DENND1A: variants seen among roughly 807,000 people sequenced by gnomAD.
DENND1A encodes DENN domain containing 1A.
DENND1A carries 51 observed loss-of-function variants against 113.7 expected under a neutral mutation model. The ratio of observed to expected loss-of-function variants is 0.45; its 90% CI spans 0.36 to 0.57. The LOEUF is 0.57. DENND1A is among the 20% of genes least tolerant of loss of function. The pLI, the probability that DENND1A is intolerant of heterozygous loss-of-function variation, is 0.00. For missense variants in DENND1A, 1,258 were observed against 1,395.9 expected (o/e 0.90, Z 1.57); for synonymous variants, 565 against 570.8 (o/e 0.99, Z 0.14).
chr9:123,660,255 A>G (rs141930624), intron 8 of DENND1A, among the ~76,000 whole-genome samples: 7 of 152,304 alleles, frequency 4.6e-5, no homozygotes, highest in Admixed American at 2.6e-4. Context: ...GCAGATTGGT[A>G]TCACCATTCT....
chr9:123,497,887 A>T (rs939307866), intron 13 of DENND1A, among the ~76,000 whole-genome samples: 11 of 151,980 alleles, frequency 7.2e-5, no homozygotes, highest in African/African-American at 2.7e-4. Flanking sequence ...GAAATGGGAC[A>T]CTGATTTTAT....
chr9:123,431,455 C>T (rs2046128038), intron 19 of DENND1A, among the ~76,000 whole-genome samples: 1 of 152,218 alleles, frequency 6.6e-6, no homozygotes, highest in African/African-American at 2.4e-5. Context: ...TCCTGAGCCA[C>T]CTGCCCAGGT....
At chr9:123,736,773 A>C (rs917302351) in intron 5 of DENND1A, among the ~76,000 whole-genome samples, 1 of 152,234 alleles carries the variant, frequency 6.6e-6, no homozygotes, top group Admixed American at 6.5e-5. Flanking sequence ...GAATCACAGA[A>C]TATCTCAGTC....
intron 19 of DENND1A, among the ~76,000 whole-genome samples, chr9:123,437,472 G>C (rs543709108): frequency 6.6e-6 from 1 of 152,276 alleles, no homozygotes; most frequent in East Asian, 1.9e-4. Context: ...CCGTCTCAAC[G>C]GTCTCCATCC....
chr9:123,741,641 C>T (rs1341514408), intron 5 of DENND1A, among the ~76,000 whole-genome samples: 1 of 152,202 alleles, frequency 6.6e-6, no homozygotes, highest in Non-Finnish European at 1.5e-5. Context: ...TTCCTCATTG[C>T]TCAGTCTCCT....
intron 9 of DENND1A, among the ~76,000 whole-genome samples, chr9:123,648,916 A>G (rs1011873092): frequency 3.9e-5 from 6 of 152,198 alleles, no homozygotes; most frequent in Non-Finnish European, 8.8e-5. Flanking sequence ...GAGCCCATAT[A>G]CATGTGATCT....
chr9:123,520,999 A>G, intron 13 of DENND1A, among the ~76,000 whole-genome samples: 1 of 152,198 alleles, frequency 6.6e-6, no homozygotes, highest in East Asian at 1.9e-4. Flanking sequence ...ATAAAAAGGA[A>G]GAAAAGAGGG....
At chr9:123,720,097 C>T (rs2067236328) in intron 5 of DENND1A, among the ~76,000 whole-genome samples, 1 of 152,188 alleles carries the variant, frequency 6.6e-6, no homozygotes, top group South Asian at 2.1e-4. Flanking sequence ...ACTCAATTAC[C>T]CAGTTCCCTC....
At chr9:123,438,081 A>G (rs1365962602) in intron 19 of DENND1A, among the ~76,000 whole-genome samples, 1 of 152,180 alleles carries the variant, frequency 6.6e-6, no homozygotes, top group Non-Finnish European at 1.5e-5. Context: ...GTGTGGTAAA[A>G]ACTTCTGAAA....
At chr9:123,706,838 T>C (rs1452623625) in intron 5 of DENND1A, among the ~76,000 whole-genome samples, 1 of 145,700 alleles carries the variant, frequency 6.9e-6, no homozygotes. Flanking sequence ...TTTGGCATTA[T>C]CAAATGGAAA....
intron 2 of DENND1A, among the ~76,000 whole-genome samples, chr9:123,872,710 ATCTG>A (rs1311477272): frequency 6.6e-6 from 1 of 152,232 alleles, no homozygotes; most frequent in African/African-American, 2.4e-5. Context: ...CACCAGGATA[ATCTG>A]TCAGTATGCA....
At chr9:123,452,018 T>C (rs1289100009) in intron 17 of DENND1A, among the ~76,000 whole-genome samples, 5 of 114,184 alleles carry the variant, frequency 4.4e-5, no homozygotes, top group African/African-American at 1.0e-4. Context: ...GGTAACATAC[T>C]GAGACCTGTC....
intron 13 of DENND1A, among the ~76,000 whole-genome samples, chr9:123,544,691 A>G (rs2056532365): frequency 6.6e-6 from 1 of 152,216 alleles, no homozygotes; most frequent in South Asian, 2.1e-4. Context: ...GAATATATAT[A>G]AAGAGCCTAG....
intron 3 of DENND1A, among the ~76,000 whole-genome samples, chr9:123,783,102 A>G (rs1031892644): frequency 2.0e-5 from 3 of 152,240 alleles, no homozygotes; most frequent in African/African-American, 7.2e-5. Flanking sequence ...CCCATTACTA[A>G]ATTTCTGAAG....
chr9:123,704,799 T>A (rs1372435433), intron 5 of DENND1A, among the ~76,000 whole-genome samples: 1 of 152,100 alleles, frequency 6.6e-6, no homozygotes, highest in East Asian at 1.9e-4. Flanking sequence ...CCAAATGGAA[T>A]ATCACAAAAT....
intron 19 of DENND1A, chr9:123,414,507 A>T: frequency 6.5e-7 from 1 of 1,545,566 alleles, no homozygotes; most frequent in Non-Finnish European, 8.7e-7. Context: ...GCATTGTGTG[A>T]AGGGAAAAAA....
chr9:123,419,208 G>C (rs2045017001), intron 19 of DENND1A, among the ~76,000 whole-genome samples: 1 of 152,258 alleles, frequency 6.6e-6, no homozygotes, highest in African/African-American at 2.4e-5. Context: ...TGGCTGGTGA[G>C]GGGAGGCCAA....
At chr9:123,396,813 T>C (rs537276268) in intron 21 of DENND1A, among the ~76,000 whole-genome samples, 4 of 152,336 alleles carry the variant, frequency 2.6e-5, no homozygotes, top group African/African-American at 7.2e-5. Context: ...GCCAGTCACA[T>C]GTTTCTCTGG....
chr9:123,553,101 A>C (rs963739444), intron 13 of DENND1A, among the ~76,000 whole-genome samples: 2 of 152,106 alleles, frequency 1.3e-5, no homozygotes, highest in Non-Finnish European at 2.9e-5. Context: ...CAAAAATTAA[A>C]AATAAATTAG....
Sources: allele counts gnomAD v4.1 joint callset (sites outside exome capture counted in the v4.1 genomes callset), GRCh38; gene constraint gnomAD v4.1.1; transcripts MANE v1.5; gene names NCBI Gene and HGNC (gene_info 2026-07-23, HGNC 2026-07-21).